The following ZNF273 variants were observed in gnomAD, a reference collection of about 807,000 sequenced individuals.
ZNF273 encodes the protein zinc finger protein 9.
ZNF273 carries 11 observed loss-of-function variants against 14.9 expected under a neutral mutation model. The observed-to-expected ratio is 0.74, with a 90% CI of 0.46 to 1.22. The LOEUF (loss-of-function observed/expected upper bound fraction) is 1.22, where lower values mean the gene tolerates loss of function less well. Ranked by LOEUF, ZNF273 falls within the 50% of genes most tolerant of loss-of-function variation. The pLI is 0.00. For missense variants in ZNF273, 577 were observed against 660.6 expected, an observed-to-expected ratio of 0.87 and a Z score of 1.39; for synonymous variants, 199 against 223.9, an observed-to-expected ratio of 0.89 and a Z score of 0.99.
In ZNF273 at chr7:64,917,620, C is replaced by T. The variant is rs373816678; in HGVS notation, c.142C>T (p.Leu48=). The change falls in exon 2 of 4, where the codon CTG becomes TTG. Residue 48 remains leucine, a synonymous_variant. Transcript: ENST00000476120. The part of the protein sequence containing the change: ...TFRDVAIEFS[L]EEWQCLDTSQ... ...TAGGGATGTGGCCATAGAATTCTCT[C>T]TGGAGGAGTGGCAATGCCTGGACAC... 1.2e-6 allele frequency: 2 copies of T among 1,600,114 alleles called. No homozygotes were observed. The highest frequency in any genetic ancestry group is 1.7e-6 in the Non-Finnish European group (2 of 1,171,306).
downstream of ZNF273, among the ~76,000 whole-genome samples, chr7:64,883,419 C>T (rs1029602827): frequency 6.6e-6 from 1 of 152,124 alleles, no homozygotes; most frequent in Admixed American, 6.5e-5. Context: ...ACTCCTCCAT[C>T]GTCTCGGGAT....
At chr7:64,883,216 C>T (rs1370325726), downstream of ZNF273, among the ~76,000 whole-genome samples, 2 of 138,878 alleles carry the variant, frequency 1.4e-5, no homozygotes, top group Non-Finnish European at 3.1e-5. Context: ...AAATCACCAC[C>T]CCCCCCTCAC....
chr7:64,881,890 C>A (rs952142001), downstream of ZNF273, among the ~76,000 whole-genome samples: 2 of 152,206 alleles, frequency 1.3e-5, no homozygotes, highest in Non-Finnish European at 2.9e-5. Context: ...CAGTGCCCCT[C>A]AGCAGCACTC....
chr7:64,921,944 A>G (rs1319609655), intron 3 of ZNF273, among the ~76,000 whole-genome samples: 2 of 152,012 alleles, frequency 1.3e-5, no homozygotes, highest in Non-Finnish European at 2.9e-5. Context: ...TACTTAAAGC[A>G]TACTGTGTCA....
At chr7:64,897,549 A>G (rs1792436081) in exon 4 of ZNF273, 1 of 151,770 alleles carries the variant, frequency 6.6e-6, no homozygotes, top group South Asian at 2.1e-4. Context: ...CATGGTCTCG[A>G]TCTCCTGAGC....
In ZNF273 at chr7:64,929,941, A is replaced by T. The variant is rs1291054837; in HGVS notation, c.*903A>T. 6.6e-6 allele frequency: 1 copy of T among 152,298 alleles called. No homozygotes were observed. Among genetic ancestry groups the T allele is most frequent in the Non-Finnish European group, 1.5e-5 (1 of 68,462 alleles). The allele number at this position is 152,298 out of a possible 1,614,324, so 9.4% of individuals were successfully genotyped here. On this transcript the variant is annotated 3_prime_UTR_variant, in exon 4 of 4. Coordinates refer to ENST00000476120, the MANE Select transcript of ZNF273 (RefSeq NM_021148.3). ...GAGTGCAATGGCGTGATCTCAGCTC[A>T]CCGCAACCTCTGCCTCCCAGATTCA...
At chr7:64,879,205 TTTCAGAGTCAAAAGAGACTGCAG>T (rs1246721149) in intron 2 of ZNF273, among the ~76,000 whole-genome samples, 1 of 152,160 alleles carries the variant, frequency 6.6e-6, no homozygotes, top group Non-Finnish European at 1.5e-5. Flanking sequence ...CTGCCAGGGA[TTTCAGAGTCAAAAGAGACTGCAG>T]TTCAGCTGGC....
chr7:64,917,454 G>C lies in ZNF273; in HGVS notation c.103-127G>C. 8.0e-6 allele frequency: 11 copies of C among 1,368,270 alleles called. No individual in the cohort carries two copies. In the South Asian group the frequency reaches 1.4e-4, roughly 18 times the overall value. 84.8% of individuals were successfully genotyped at this position (1,368,270 alleles called of 1,614,324 possible). ...TTCTGTTTTGAAAATTATTTTATTG[G>C]ATAATTTTAGTCACTCCTATAAGTA... is the stretch of plus-strand genomic sequence containing the variant. On this transcript the variant is annotated intron_variant, in intron 1 of 3. Coordinates refer to ENST00000476120, the MANE Select transcript of ZNF273 (RefSeq NM_021148.3).
downstream of ZNF273, among the ~76,000 whole-genome samples, chr7:64,883,218 C>CCA (rs1562946585): frequency 7.7e-6 from 1 of 130,180 alleles, no homozygotes; most frequent in Non-Finnish European, 1.5e-5. Context: ...ATCACCACCC[C>CCA]CCCCTCACCA....
At chr7:64,921,088 A>G (rs1320929531) in intron 3 of ZNF273, among the ~76,000 whole-genome samples, 1 of 151,360 alleles carries the variant, frequency 6.6e-6, no homozygotes, top group Non-Finnish European at 1.5e-5. Flanking sequence ...TTGAGATAGA[A>G]TTTTTAGCTC....
chr7:64,909,509 G>A (rs1219274469), intron 1 of ZNF273, among the ~76,000 whole-genome samples: 3 of 152,166 alleles, frequency 2.0e-5, no homozygotes, highest in Non-Finnish European at 4.4e-5. Context: ...GATTATAGGT[G>A]TGAGCCACCG....
chr7:64,888,717 G>T, exon 2 of ZNF273: 1 of 985,842 alleles, frequency 1.0e-6, no homozygotes, highest in Non-Finnish European at 1.2e-6. Flanking sequence ...GAGGACAGCG[G>T]GATGGGAGAG....
intron 3 of ZNF273, among the ~76,000 whole-genome samples, chr7:64,896,743 T>A (rs1187159385): frequency 6.6e-6 from 1 of 152,242 alleles, no homozygotes; most frequent in East Asian, 1.9e-4. Context: ...TCATAGCTCA[T>A]GACCCAAATC....
At chr7:64,883,066 C>CT (rs1235054480), downstream of ZNF273, among the ~76,000 whole-genome samples, 7 of 152,148 alleles carry the variant, frequency 4.6e-5, no homozygotes, top group South Asian at 2.1e-4. Flanking sequence ...AGCGCTTTTT[C>CT]TTTTTTTTCC....
chr7:64,898,201 CT>C (rs1436057379), intron 4 of ZNF273: 1 of 152,186 alleles, frequency 6.6e-6, no homozygotes, highest in African/African-American at 2.4e-5. Context: ...TCAAATGCTA[CT>C]TTTTATTAAA....
intron 1 of ZNF273, 59 bp from the exon 2 acceptor site, chr7:64,917,522 T>G: frequency 2.6e-6 from 4 of 1,559,846 alleles, no homozygotes; most frequent in Non-Finnish European, 3.5e-6. Flanking sequence ...TTGAGTCAAA[T>G]TAAATATTCT....
chr7:64,900,010 T>C (rs1792594063), upstream of ZNF273, among the ~76,000 whole-genome samples: 1 of 152,148 alleles, frequency 6.6e-6, no homozygotes, highest in South Asian at 2.1e-4. Context: ...TCCGCCTGCC[T>C]CGGCCTCCCA....
At chr7:64,926,522 C>T (rs1185178800) in intron 3 of ZNF273, among the ~76,000 whole-genome samples, 1 of 151,978 alleles carries the variant, frequency 6.6e-6, no homozygotes, top group Non-Finnish European at 1.5e-5. Context: ...CTATTTAATT[C>T]ATTGAGTATT....
At chr7:64,893,520 C>A (rs1880658), downstream of ZNF273, 139,335 of 152,198 alleles carry the variant, frequency 0.92, 64,075 homozygotes, top group South Asian at 0.97. Flanking sequence ...TTGCTTACTT[C>A]TCTGGCTCCC....
Sources: gnomAD v4.1 joint callset for allele counts (sites outside exome capture counted in the v4.1 genomes callset) on GRCh38, gnomAD v4.1.1 for gene constraint, MANE v1.5 for transcripts, NCBI Gene and HGNC (gene_info 2026-07-23, HGNC 2026-07-21) for gene names.